FRYL: variants seen among roughly 807,000 people sequenced by gnomAD.
The protein encoded by FRYL is FRY like transcription coactivator.
A neutral mutation model predicts 351.2 loss-of-function variants in FRYL; 150 were observed. That is an observed-to-expected ratio of 0.43 (90% confidence interval 0.37 to 0.49). FRYL has a LOEUF of 0.49. Ranked by LOEUF, FRYL falls within the 20% of genes least tolerant of loss-of-function variation. The pLI, the probability that FRYL is intolerant of heterozygous loss-of-function variation, is 0.00. For missense variants in FRYL, 3,036 were observed against 3,619.3 expected (o/e 0.84, Z 4.13); for synonymous variants, 1,153 against 1,257.1 (o/e 0.92, Z 1.75).
At chr4:48,680,786 C>A in intron 3 of FRYL, 1 of 216,742 alleles carries the variant, frequency 4.6e-6, no homozygotes, top group South Asian at 7.9e-5. Context: ...AAAAGTAGGC[C>A]AACTATATAC....
chr4:48,596,771 C>T (rs1171010567), intron 13 of FRYL, among the ~76,000 whole-genome samples: 5 of 151,854 alleles, frequency 3.3e-5, no homozygotes, highest in Non-Finnish European at 7.4e-5. Flanking sequence ...ACAATTTGAT[C>T]AGCAAACTTT....
chr4:48,598,747 C>A (rs1745114058), intron 13 of FRYL: 1 of 530,488 alleles, frequency 1.9e-6, no homozygotes, highest in Non-Finnish European at 2.4e-6. Context: ...ACATGCAATG[C>A]AACAATGGGA....
intron 1 of FRYL, among the ~76,000 whole-genome samples, chr4:48,714,933 T>C (rs1229962020): frequency 6.7e-6 from 1 of 150,230 alleles, no homozygotes; most frequent in Admixed American, 6.6e-5. Flanking sequence ...CATGATCAAG[T>C]GGGCTTCATC....
chr4:48,551,628 C>T (rs1205501860), intron 36 of FRYL, 50 bp from the exon 37 acceptor site: 2 of 1,117,022 alleles, frequency 1.8e-6, no homozygotes, highest in Non-Finnish European at 2.7e-6. Flanking sequence ...CCTGGAATAA[C>T]CCAATAAGAA....
chr4:48,579,255 A>T lies in FRYL; in HGVS notation c.2260-14T>A. The T allele has an allele frequency of 6.4e-7, 1 of 1,566,430 alleles. No homozygotes were observed. Among genetic ancestry groups the T allele is most frequent in the Non-Finnish European group, 8.6e-7 (1 of 1,159,888 alleles). Reference sequence around the variant, plus strand: ...GAGCAAAGTAGTCTATATGGAGAGGAAAAAATTGATTATTACACATTTCAA... The same window carrying T: ...GAGCAAAGTAGTCTATATGGAGAGGTAAAAATTGATTATTACACATTTCAA... On this transcript the variant is annotated splice_polypyrimidine_tract_variant and intron_variant, in intron 22 of 63. Transcript: ENST00000358350.
intron 1 of FRYL, among the ~76,000 whole-genome samples, chr4:48,752,975 C>T (rs530790660): frequency 6.6e-6 from 1 of 151,862 alleles, no homozygotes; most frequent in Admixed American, 6.6e-5. Flanking sequence ...CCAAAAACAA[C>T]TGAAATGATT....
intron 1 of FRYL, among the ~76,000 whole-genome samples, chr4:48,738,802 A>G (rs1460464643): frequency 2.0e-5 from 3 of 151,392 alleles, no homozygotes; most frequent in Non-Finnish European, 2.9e-5. Flanking sequence ...CACCGCCCCC[A>G]GACAGGAAGA....
At chr4:48,643,685 A>T (rs1755781085) in intron 3 of FRYL, among the ~76,000 whole-genome samples, 1 of 152,232 alleles carries the variant, frequency 6.6e-6, no homozygotes, top group Non-Finnish European at 1.5e-5. Context: ...AAGATACGAA[A>T]CTTTATTAAC....
intron 13 of FRYL, among the ~76,000 whole-genome samples, chr4:48,596,598 A>G (rs973099591): frequency 1.3e-5 from 2 of 152,120 alleles, no homozygotes; most frequent in Non-Finnish European, 2.9e-5. Context: ...AATGGAGAAC[A>G]TATGGTACCT....
chr4:48,594,808 T>C (rs1744267105), intron 15 of FRYL, among the ~76,000 whole-genome samples: 1 of 152,210 alleles, frequency 6.6e-6, no homozygotes, highest in South Asian at 2.1e-4. Flanking sequence ...TACCTATGTT[T>C]CTCCAAGATG....
chr4:48,620,883 A>G (rs1750520116), intron 5 of FRYL, 105 bp from the exon 6 acceptor site: 4 of 958,236 alleles, frequency 4.2e-6, no homozygotes, highest in East Asian at 2.6e-5. Flanking sequence ...CAGTAACTCA[A>G]TGCAATAAAT....
intron 26 of FRYL, chr4:48,571,748 A>T (rs1738379253): frequency 3.1e-6 from 3 of 970,608 alleles, no homozygotes; most frequent in African/African-American, 1.8e-5. Flanking sequence ...ATGATTTCTT[A>T]TCAGTCTTTG....
At chr4:48,767,215 G>A (rs760338000) in intron 1 of FRYL, among the ~76,000 whole-genome samples, 132 of 151,986 alleles carry the variant, frequency 8.7e-4, no homozygotes, top group Admixed American at 1.9e-3. Flanking sequence ...AGGTGAAGAG[G>A]AAGCACGCAC....
chr4:48,502,561 AG>A (rs200446055), intron 61 of FRYL, among the ~76,000 whole-genome samples: 2,619 of 151,202 alleles, frequency 0.017, 70 homozygotes, highest in African/African-American at 0.06. Flanking sequence ...AAAAAAAAAA[AG>A]TTGTGCACTT....
chr4:48,650,616 C>G (rs139596127), intron 3 of FRYL, among the ~76,000 whole-genome samples: 1 of 152,248 alleles, frequency 6.6e-6, no homozygotes, highest in Non-Finnish European at 1.5e-5. Context: ...GCACAGAATG[C>G]TTCCAGAACT....
intron 7 of FRYL, among the ~76,000 whole-genome samples, chr4:48,612,676 T>C (rs984377967): frequency 1.3e-5 from 2 of 152,190 alleles, no homozygotes; most frequent in African/African-American, 4.8e-5. Flanking sequence ...CCTCTTGGGT[T>C]CACGCCATTC....
chr4:48,684,472 T>C (rs762593078), intron 3 of FRYL, among the ~76,000 whole-genome samples: 3 of 152,148 alleles, frequency 2.0e-5, no homozygotes, highest in Non-Finnish European at 4.4e-5. Context: ...ACAGGATCTA[T>C]AAGGAGGAAA....
chr4:48,776,270 G>A (rs765372553), intron 1 of FRYL, among the ~76,000 whole-genome samples: 46 of 151,678 alleles, frequency 3.0e-4, no homozygotes, highest in Admixed American at 1.9e-3. Flanking sequence ...TTACAGGCAT[G>A]AGCCACCATA....
Position 48,549,657 on chromosome 4 carries a change from A to G in FRYL, c.4634-34T>C. 1 of 1,566,854 alleles carries G rather than the reference A, an allele frequency of 6.4e-7. No homozygotes were observed. The highest frequency in any genetic ancestry group is 8.7e-7 in the Non-Finnish European group (1 of 1,144,594). On this transcript the variant is annotated intron_variant, in intron 38 of 63. Transcript: ENST00000358350. This position sits in a 1 kb window ranked among gnomAD's most constrained non-coding sequence, Gnocchi z 4.2. ...ATAAAATGATCTCATTTTCTACACC[A>G]TCTAATTTCTGCCAATATAAGCAAA... is the stretch of plus-strand genomic sequence containing the variant.
Sources: gnomAD v4.1 joint callset for allele counts (sites outside exome capture counted in the v4.1 genomes callset) on GRCh38, gnomAD v4.1.1 for gene constraint, Gnocchi (gnomAD v3.1) non-coding constraint, MANE v1.5 for transcripts, NCBI Gene and HGNC (gene_info 2026-07-23, HGNC 2026-07-21) for gene names.